SLC25A43: variants seen among roughly 807,000 people sequenced by gnomAD.
SLC25A43 encodes the protein solute carrier family 25 member 43.
In SLC25A43, 10 loss-of-function variants were observed where a neutral mutation model predicts 22.8. The observed-to-expected ratio is 0.44, with a 90% CI of 0.27 to 0.74. The LOEUF (loss-of-function observed/expected upper bound fraction) is 0.74, where lower values mean the gene tolerates loss of function less well. SLC25A43 is among the 30% of genes least tolerant of loss of function. The probability of loss-of-function intolerance (pLI) is 0.17; values close to 1 mark genes in which losing one functional copy is unlikely to be tolerated. For synonymous variants in SLC25A43, 106 were observed against 121.6 expected (o/e 0.87, Z 0.84); for missense variants, 233 against 279.1 (o/e 0.83, Z 1.18).
chrX:119,400,449 T>C lies in SLC25A43; in HGVS notation c.275+771T>C, dbSNP rs145582032. 2.0e-3 allele frequency among the ~76,000 whole-genome samples: 224 copies of C among 111,530 alleles called. 2 individuals carry two copies. Among genetic ancestry groups the C allele is most frequent in the African/African-American group, 7.0e-3 (217 of 30,784 alleles). ...TGGAAACCAAGCCTGAAAGAATGAATTGGTAGTGATGGCATTTCAGGAAGC... is the reference window on the plus strand; with the variant it reads ...TGGAAACCAAGCCTGAAAGAATGAACTGGTAGTGATGGCATTTCAGGAAGC... On this transcript the variant is annotated intron_variant, in intron 1 of 4. Coordinates refer to ENST00000217909, the MANE Select transcript of SLC25A43 (RefSeq NM_145305.3).
At chrX:119,424,797 G>C (rs1361623865) in intron 3 of SLC25A43, among the ~76,000 whole-genome samples, 1 of 113,049 alleles carries the variant, frequency 8.8e-6, no homozygotes, top group African/African-American at 3.2e-5. Context: ...TTGATACCTG[G>C]CGAAGGCCAG....
chrX:119,428,907 G>A (rs1034593935), intron 3 of SLC25A43, among the ~76,000 whole-genome samples: 2 of 110,784 alleles, frequency 1.8e-5, no homozygotes, highest in African/African-American at 6.6e-5. Context: ...GATGATCTGA[G>A]ATGGAACAGT....
chrX:119,446,167 A>G (rs1166369764), intron 3 of SLC25A43, among the ~76,000 whole-genome samples: 2 of 107,443 alleles, frequency 1.9e-5, no homozygotes, highest in African/African-American at 6.8e-5. Flanking sequence ...AAAAAAAAAA[A>G]AAAAAAAAAA....
At chrX:119,409,211 T>G (rs760969158) in intron 2 of SLC25A43, among the ~76,000 whole-genome samples, 1 of 109,183 alleles carries the variant, frequency 9.2e-6, no homozygotes, top group African/African-American at 3.3e-5. Context: ...GACAGAATCT[T>G]GCTCTGTCAC....
intron 2 of SLC25A43, among the ~76,000 whole-genome samples, chrX:119,408,102 C>T (rs749397381): frequency 1.2e-3 from 138 of 110,436 alleles, no homozygotes; most frequent in African/African-American, 4.2e-3. Flanking sequence ...AAGTATTCAG[C>T]GACTCCTGAG....
intron 3 of SLC25A43, among the ~76,000 whole-genome samples, chrX:119,414,215 G>A (rs2147263839): frequency 8.9e-6 from 1 of 112,127 alleles, no homozygotes; most frequent in South Asian, 3.7e-4. Context: ...GTATTTCTTT[G>A]TAAGTTTTGT....
intron 3 of SLC25A43, among the ~76,000 whole-genome samples, chrX:119,433,046 C>T (rs188386347): frequency 9.0e-6 from 1 of 110,926 alleles, no homozygotes; most frequent in Admixed American, 9.7e-5. Flanking sequence ...TGCAGTGAGC[C>T]GAGATTGCAC....
Position 119,405,697 on chromosome X carries a change from G to GAGGT in SLC25A43, c.276-762_276-759dup, listed in dbSNP as rs752412869. Among the ~76,000 whole-genome samples the GAGGT allele has an allele frequency of 4.5e-5, 5 of 110,041 alleles. No individual in the cohort carries two copies. The East Asian group carries it at 1.4e-3, about 31-fold the overall frequency. ...AGGTGGGAGGATCTCTTGAGCCTGG[G>GAGGT]AGGTGGATGTTGCAGTGAGCCCAGA... On this transcript the variant is annotated intron_variant, in intron 1 of 4. Coordinates refer to ENST00000217909, the MANE Select transcript of SLC25A43 (RefSeq NM_145305.3).
intron 3 of SLC25A43, among the ~76,000 whole-genome samples, chrX:119,446,419 C>T: frequency 8.9e-6 from 1 of 111,966 alleles, no homozygotes; most frequent in Non-Finnish European, 1.9e-5. Context: ...GGTCAAATCA[C>T]TTAACCTGTC....
intron 3 of SLC25A43, among the ~76,000 whole-genome samples, chrX:119,429,330 G>GTGA (rs1186953950): frequency 9.0e-6 from 1 of 111,476 alleles, no homozygotes; most frequent in Non-Finnish European, 1.9e-5. Context: ...GATTACAGGC[G>GTGA]TGAGCTGCCG....
Position 119,451,621 on chromosome X carries a change from C to T in SLC25A43, c.691-388C>T, listed in dbSNP as rs192426056. 2.3e-3 allele frequency among the ~76,000 whole-genome samples: 253 copies of T among 111,704 alleles called. 2 individuals carry two copies. The highest frequency in any genetic ancestry group is 8.0e-3 in the African/African-American group (247 of 30,735). On this transcript the variant is annotated intron_variant, in intron 3 of 4. Transcript: ENST00000217909. ...GTGAGGTGGAGAAATGAACAGCCTC[C>T]GCTTGGGAGCTTCACAGGGGAAGGA...
At chrX:119,429,072 T>A (rs1426833019) in intron 3 of SLC25A43, among the ~76,000 whole-genome samples, 2 of 108,461 alleles carry the variant, frequency 1.8e-5, no homozygotes, top group African/African-American at 6.7e-5. Context: ...ATCTTTTTTT[T>A]TTTTTTTTGA....
intron 3 of SLC25A43, among the ~76,000 whole-genome samples, chrX:119,413,966 C>T (rs900302559): frequency 9.0e-6 from 1 of 111,308 alleles, no homozygotes; most frequent in Non-Finnish European, 1.9e-5. Flanking sequence ...TTATAGGTCA[C>T]AAAATATGAA....
Position 119,432,203 on chromosome X carries a change from G to A in SLC25A43, c.691-19806G>A, listed in dbSNP as rs2052559448. Among the ~76,000 whole-genome samples, 5 of 111,047 alleles carry A rather than the reference G, an allele frequency of 4.5e-5. No individual in the cohort carries two copies. The Admixed American group carries it at 4.8e-4, about 11-fold the overall frequency. On this transcript the variant is annotated intron_variant, in intron 3 of 4. Transcript: ENST00000217909. ...GGAAAACAATTATAAAATAACCAAGGAAATATGAATACTAACTGAACTCAA... is the reference window on the plus strand; with the variant it reads ...GGAAAACAATTATAAAATAACCAAGAAAATATGAATACTAACTGAACTCAA...
chrX:119,409,514 T>C (rs2052330548), intron 2 of SLC25A43, among the ~76,000 whole-genome samples: 2 of 81,608 alleles, frequency 2.5e-5, no homozygotes, highest in Non-Finnish European at 4.8e-5. Context: ...CCAGCCCACC[T>C]TTTTTTTTTT....
chrX:119,422,836 A>C (rs1204265609), intron 3 of SLC25A43: 1 of 112,532 alleles, frequency 8.9e-6, no homozygotes, highest in Non-Finnish European at 1.9e-5. Flanking sequence ...ACAGCCGTTA[A>C]CGTTTCAGGA....
At chrX:119,435,209 C>T (rs908355578) in intron 3 of SLC25A43, among the ~76,000 whole-genome samples, 5 of 110,888 alleles carry the variant, frequency 4.5e-5, no homozygotes, top group Admixed American at 1.9e-4. Flanking sequence ...TTGTAGCCTA[C>T]GAGCATGCTG....
intron 2 of SLC25A43, among the ~76,000 whole-genome samples, chrX:119,408,575 G>C (rs774096321): frequency 6.3e-5 from 7 of 111,822 alleles, no homozygotes; most frequent in Non-Finnish European, 1.3e-4. Context: ...CATAACCTAA[G>C]CTTTCCAGAC....
rs3747455 is a variant in SLC25A43 at position 119,453,358 on chromosome X, A to G, written c.*293A>G. On this transcript the variant is annotated 3_prime_UTR_variant, in exon 5 of 5. Coordinates refer to ENST00000217909, the MANE Select transcript of SLC25A43 (RefSeq NM_145305.3). ...AATTTACGCTCTGAATAGAAACATG[A>G]CACCAAAGAAAGGGCATTGCCATGA... 130,240 of 271,793 alleles carry G rather than the reference A, an allele frequency of 0.48. 23,220 individuals carry two copies. The highest frequency in any genetic ancestry group is 0.52 in the East Asian group (7,683 of 14,820). The allele number at this position is 271,793 out of a possible 1,213,427, so 22.4% of individuals were successfully genotyped here.
Sources: allele counts gnomAD v4.1 joint callset (sites outside exome capture counted in the v4.1 genomes callset), GRCh38; gene constraint gnomAD v4.1.1; transcripts MANE v1.5; gene names NCBI Gene and HGNC (gene_info 2026-07-23, HGNC 2026-07-21).